KLHL2: variants seen among roughly 807,000 people sequenced by gnomAD.
KLHL2 encodes the protein kelch like family member 2, also known as kelch-like protein 2.
Under a neutral mutation model 75.8 loss-of-function variants are expected in KLHL2, and 15 were observed. That is an observed-to-expected ratio of 0.20 (90% CI 0.13 to 0.30). The LOEUF (loss-of-function observed/expected upper bound fraction) is 0.30. Among genes scored for constraint, KLHL2 ranks in the 10% least tolerant of loss-of-function variants. The pLI is 1.00. For missense variants in KLHL2, 381 were observed against 741.0 expected (o/e 0.51, Z 5.64); for synonymous variants, 214 against 251.9 (o/e 0.85, Z 1.42).
At chr4:165,260,330 A>G (rs1741550993) in intron 4 of KLHL2, among the ~76,000 whole-genome samples, 2 of 152,204 alleles carry the variant, frequency 1.3e-5, no homozygotes, top group South Asian at 2.1e-4. Flanking sequence ...TCAAGCATGT[A>G]ACCACGTTTC....
At chr4:165,243,002 A>T (rs1336753469) in intron 4 of KLHL2, among the ~76,000 whole-genome samples, 1 of 152,228 alleles carries the variant, frequency 6.6e-6, no homozygotes, top group Non-Finnish European at 1.5e-5. Context: ...TAAGAAGGTT[A>T]AATAATTTGC....
intron 8 of KLHL2, among the ~76,000 whole-genome samples, chr4:165,302,561 C>T (rs1745426356): frequency 6.6e-6 from 1 of 152,108 alleles, no homozygotes; most frequent in Non-Finnish European, 1.5e-5. Context: ...TCTCAATAAA[C>T]AGATTGTATA....
intron 4 of KLHL2, among the ~76,000 whole-genome samples, chr4:165,239,957 G>T (rs987346826): frequency 6.6e-6 from 1 of 152,090 alleles, no homozygotes; most frequent in African/African-American, 2.4e-5. Flanking sequence ...ACACATTAGT[G>T]TATATGGGTC....
At chr4:165,263,884 A>G (rs1340506485) in intron 5 of KLHL2, among the ~76,000 whole-genome samples, 2 of 144,116 alleles carry the variant, frequency 1.4e-5, no homozygotes, top group Non-Finnish European at 3.0e-5. Flanking sequence ...AGTGAAATAT[A>G]GATACATTTG....
At chr4:165,292,716 A>G (rs1579137982) in intron 5 of KLHL2, among the ~76,000 whole-genome samples, 2 of 152,182 alleles carry the variant, frequency 1.3e-5, no homozygotes, top group South Asian at 2.1e-4. Context: ...GGGGAAGCCA[A>G]CTGTTCCTTT....
intron 5 of KLHL2, among the ~76,000 whole-genome samples, chr4:165,293,544 C>T (rs1356526057): frequency 6.7e-6 from 1 of 150,286 alleles, no homozygotes; most frequent in Non-Finnish European, 1.5e-5. Context: ...TGTCTGTCAT[C>T]CAGGCTGGAG....
intron 3 of KLHL2, among the ~76,000 whole-genome samples, 192 bp downstream of exon 3, chr4:165,229,105 A>G (rs1210542566): frequency 2.0e-5 from 3 of 152,202 alleles, no homozygotes; most frequent in African/African-American, 7.2e-5. Flanking sequence ...AAGCCTATAC[A>G]TAGGTACACT....
intron 9 of KLHL2, among the ~76,000 whole-genome samples, chr4:165,306,976 G>A (rs189202418): frequency 5.1e-4 from 78 of 152,228 alleles, no homozygotes; most frequent in Non-Finnish European, 9.3e-4. Flanking sequence ...CTATATGTGC[G>A]TGTGAGTGTG....
At chr4:165,299,072 A>T (rs1315233615) in intron 7 of KLHL2, among the ~76,000 whole-genome samples, 1 of 151,824 alleles carries the variant, frequency 6.6e-6, no homozygotes, top group African/African-American at 2.4e-5. Context: ...TCTTTTTGGG[A>T]TATTTTACTT....
intron 5 of KLHL2, 137 bp from the exon 6 acceptor site, chr4:165,294,222 A>T: frequency 1.7e-6 from 1 of 572,558 alleles, no homozygotes; most frequent in Non-Finnish European, 3.1e-6. Context: ...TTGTCTTGTT[A>T]GTTCTTGCCT....
intron 2 of KLHL2, among the ~76,000 whole-genome samples, chr4:165,222,041 A>G (rs1396345215): frequency 6.6e-6 from 1 of 151,704 alleles, no homozygotes; most frequent in African/African-American, 2.4e-5. Context: ...CCCCACTCCT[A>G]TGGGTGGGGC....
At chr4:165,277,435 T>G (rs945896766) in intron 5 of KLHL2, among the ~76,000 whole-genome samples, 1 of 152,232 alleles carries the variant, frequency 6.6e-6, no homozygotes, top group African/African-American at 2.4e-5. Flanking sequence ...AATAATTTAG[T>G]AGATATTTCT....
chr4:165,228,852 A>G lies in KLHL2; in HGVS notation c.198A>G (p.Glu66=). 6.2e-7 allele frequency: 1 copy of G among 1,613,352 alleles called. No homozygotes were observed. Among genetic ancestry groups the G allele is most frequent in the Middle Eastern group, 1.7e-4 (1 of 6,030 alleles). ...CDVTIVAEDM[E]ISAHRVVLAA... ...TCACAATTGTGGCAGAAGACATGGA[A>G]ATTTCTGCTCATAGAGTGGTGCTGG... Residue 66 remains glutamate (E), a synonymous_variant, in exon 3 of 15, where the codon GAA becomes GAG. Transcript: ENST00000226725.
At chr4:165,286,419 T>G (rs1328403329) in intron 5 of KLHL2, among the ~76,000 whole-genome samples, 2 of 152,092 alleles carry the variant, frequency 1.3e-5, no homozygotes, top group Non-Finnish European at 2.9e-5. Flanking sequence ...GACAGTAATA[T>G]ACATTAGATA....
At position 165,313,370 on chromosome 4, in the gene KLHL2, C is replaced by T; in HGVS notation, c.1468+4C>T. On this transcript the variant is annotated splice_donor_region_variant and intron_variant, in intron 12 of 14. Transcript: ENST00000226725. ...AGCACCAGGCGGAGTGGAGCAGGTA[C>T]ATGTGAACCTGTTTTAGCAACTGAA... is the stretch of plus-strand genomic sequence containing the variant. 6.7e-7 allele frequency: 1 copy of T among 1,488,172 alleles called. No individual in the cohort carries two copies. Among genetic ancestry groups the T allele is most frequent in the East Asian group, 2.6e-5 (1 of 38,938 alleles). The allele number at this position is 1,488,172 out of a possible 1,614,324, so 92.2% of individuals were successfully genotyped here. A position where few individuals can be genotyped will look rare whatever the true frequency, so the allele number is the denominator to read the frequency against.
chr4:165,244,862 TTG>T (rs1369174606), intron 4 of KLHL2, among the ~76,000 whole-genome samples: 1 of 152,114 alleles, frequency 6.6e-6, no homozygotes, highest in Non-Finnish European at 1.5e-5. Flanking sequence ...TTTTTTCTGT[TTG>T]TGTTTGTGTG....
chr4:165,210,228 C>T, intron 1 of KLHL2: 1 of 1,495,360 alleles, frequency 6.7e-7, no homozygotes, highest in Non-Finnish European at 9.1e-7. Context: ...ATTTGAATGC[C>T]TGTCTCTGCC....
At chr4:165,250,105 C>T (rs1213973034) in intron 4 of KLHL2, among the ~76,000 whole-genome samples, 5 of 149,448 alleles carry the variant, frequency 3.3e-5, no homozygotes, top group African/African-American at 1.2e-4. Flanking sequence ...GCCTGGGCAA[C>T]AGAGTGAGAC....
In KLHL2 at chr4:165,322,657, C is replaced by G. The variant is rs1042109199; in HGVS notation, c.*597C>G. On this transcript the variant is annotated 3_prime_UTR_variant, in exon 15 of 15. Coordinates refer to ENST00000226725, the MANE Select transcript of KLHL2 (RefSeq NM_007246.4). ...ACTTGATTATACTATTTATAATTGG[C>G]ACAGTACTTTGAATTATGCCAGTAC... 5.2e-5 allele frequency: 8 copies of G among 152,658 alleles called. No homozygotes were observed. The East Asian group carries it at 1.5e-3, about 30-fold the overall frequency. 9.5% of individuals were successfully genotyped at this position (152,658 alleles called of 1,614,324 possible).
Sources: gnomAD v4.1 joint callset for allele counts (sites outside exome capture counted in the v4.1 genomes callset) on GRCh38, gnomAD v4.1.1 for gene constraint, MANE v1.5 for transcripts, NCBI Gene and HGNC (gene_info 2026-07-23, HGNC 2026-07-21) for gene names.